NACC1: variants seen among roughly 807,000 people sequenced by gnomAD.
NACC1 encodes nucleus accumbens associated 1.
A neutral mutation model predicts 41.7 loss-of-function variants in NACC1; 6 were observed. The ratio of observed to expected loss-of-function variants is 0.14; its 90% CI spans 0.08 to 0.28. The LOEUF (loss-of-function observed/expected upper bound fraction) is 0.28. NACC1 is among the 10% of genes least tolerant of loss of function. NACC1 has a pLI of 1.00. For synonymous variants in NACC1, 338 were observed against 330.6 expected, an observed-to-expected ratio of 1.02 and a Z score of -0.24; for missense variants, 434 against 763.7, an observed-to-expected ratio of 0.57 and a Z score of 5.09.
In NACC1 at chr19:13,135,640, A is replaced by G; in HGVS notation, c.433A>G (p.Ser145Gly). Residue 145 changes from serine to glycine, a missense_variant, in exon 2 of 6, where the codon AGC becomes GGC. Coordinates refer to ENST00000292431, the MANE Select transcript of NACC1 (RefSeq NM_052876.4). ...GGAGGCCCCATCGTCGGAGCCCCAG[A>G]GCCCCGTGGCGCAGACATCGGGCTG... The part of the protein sequence containing the change: ...AEEAPSSEPQ[S>G]PVAQTSGWPA... The G allele has an allele frequency of 6.4e-7, 1 of 1,567,992 alleles. No homozygotes were observed. The highest frequency in any genetic ancestry group is 8.6e-7 in the Non-Finnish European group (1 of 1,160,510).
chr19:13,137,705 C>G lies in NACC1; in HGVS notation c.1324+130C>G, dbSNP rs185384544. On this transcript the variant is annotated intron_variant, in intron 5 of 5. Coordinates refer to ENST00000292431, the MANE Select transcript of NACC1 (RefSeq NM_052876.4). This position sits in a 1 kb window ranked among gnomAD's most constrained non-coding sequence, Gnocchi z 6.1. ...CATTCTGGGGCTCATTCTAGCCTTGCTGGGAAACCGGCTGTGATTGCTTAG... is the reference window on the plus strand; with the variant it reads ...CATTCTGGGGCTCATTCTAGCCTTGGTGGGAAACCGGCTGTGATTGCTTAG... 1.5e-3 allele frequency: 1,126 copies of G among 766,358 alleles called. 3 individuals are homozygous for G. The highest frequency in any genetic ancestry group is 9.6e-3 in the Middle Eastern group (25 of 2,592). 47.5% of individuals were successfully genotyped at this position (766,358 alleles called of 1,614,324 possible).
At chr19:13,131,354 G>A (rs1448155708) in intron 1 of NACC1, among the ~76,000 whole-genome samples, 5 of 152,168 alleles carry the variant, frequency 3.3e-5, no homozygotes, top group Non-Finnish European at 4.4e-5. Context: ...CACCCCTCTA[G>A]GAACTGGGAT....
chr19:13,128,941 C>A (rs1483300759), intron 1 of NACC1, among the ~76,000 whole-genome samples: 1 of 152,228 alleles, frequency 6.6e-6, no homozygotes. Context: ...TCCCCCACAC[C>A]CTCAGGGGTG....
In NACC1 at chr19:13,137,441, C is replaced by T; in HGVS notation, c.1227-37C>T. 1 of 1,611,192 alleles carries T rather than the reference C, an allele frequency of 6.2e-7. No individual in the cohort carries two copies. Among genetic ancestry groups the T allele is most frequent in the Non-Finnish European group, 8.5e-7 (1 of 1,178,588 alleles). The stretch of plus-strand genomic sequence containing the variant: ...TTCCCCATGTCCCCCCCACCACCAA[C>T]TTGAGCGCTGACTCCCTCCATGTCC... On this transcript the variant is annotated intron_variant, in intron 4 of 5. Transcript: ENST00000292431. The surrounding 1 kb of genome is among the most constrained non-coding windows in gnomAD (Gnocchi z 6.1).
chr19:13,136,141 G>C lies in NACC1; in HGVS notation c.934G>C (p.Val312Leu). ...NMYTMYSMMNVGQTAEKVEAL... is the reference protein window; with the variant it reads ...NMYTMYSMMNLGQTAEKVEAL... ...GTACACCATGTACAGCATGATGAAC[G>C]TCGGCCAGACAGGTGAGGTGCCGTC... The change falls in exon 2 of 6, where the codon GTC becomes CTC. Residue 312 changes from valine (V) to leucine (L), a missense_variant. Around this residue, in one of 4 missense-constraint regions of NACC1, gnomAD observed 234 missense variants for 308.3 expected, o/e 0.76. Transcript: ENST00000292431. This position sits in a 1 kb window ranked among gnomAD's most constrained non-coding sequence, Gnocchi z 5.5. 1 of 1,612,302 alleles carries C rather than the reference G, an allele frequency of 6.2e-7. No homozygotes were observed. Among genetic ancestry groups the C allele is most frequent in the Non-Finnish European group, 8.5e-7 (1 of 1,179,120 alleles).
At chr19:13,127,860 G>T (rs529926136) in intron 1 of NACC1, among the ~76,000 whole-genome samples, 8 of 151,962 alleles carry the variant, frequency 5.3e-5, no homozygotes, top group African/African-American at 1.9e-4. Flanking sequence ...AAGCAAAAGA[G>T]TAGAGAAAGG....
chr19:13,119,185 G>T (rs1027793809), intron 1 of NACC1, among the ~76,000 whole-genome samples: 1 of 151,832 alleles, frequency 6.6e-6, no homozygotes, highest in Non-Finnish European at 1.5e-5. Flanking sequence ...GGATGTGGGG[G>T]CAGGTCAGGA....
At chr19:13,127,400 T>TTTTTTTTTTTTTTTTTTTTTTTTTC (rs1245933408) in intron 1 of NACC1, among the ~76,000 whole-genome samples, 1 of 100,870 alleles carries the variant, frequency 9.9e-6, no homozygotes, top group African/African-American at 3.9e-5. Context: ...TTTTTTTTTT[T>TTTTTTTTTTTTTTTTTTTTTTTTTC]CGGTTAACTG....
At chr19:13,128,687 G>C (rs2019595188) in intron 1 of NACC1, among the ~76,000 whole-genome samples, 1 of 152,220 alleles carries the variant, frequency 6.6e-6, no homozygotes, top group African/African-American at 2.4e-5. Flanking sequence ...TGATCTGTGT[G>C]ACCAAGGATG....
upstream of NACC1, chr19:13,117,964 A>T (rs1302151188): frequency 6.6e-6 from 1 of 152,248 alleles, no homozygotes; most frequent in Non-Finnish European, 1.5e-5. Context: ...GCCACAATAA[A>T]CAGCAGTCAT....
At chr19:13,132,486 T>A (rs1029603231) in intron 1 of NACC1, 16 of 152,144 alleles carry the variant, frequency 1.1e-4, no homozygotes, top group African/African-American at 3.9e-4. Flanking sequence ...CTTTTGAATT[T>A]TGAACCTGGT....
chr19:13,138,463 G>A lies in NACC1; in HGVS notation c.*57G>A. 2 of 1,580,806 alleles carry A rather than the reference G, an allele frequency of 1.3e-6. No homozygotes were observed. Among genetic ancestry groups the A allele is most frequent in the South Asian group, 2.2e-5 (2 of 89,236 alleles). On this transcript the variant is annotated 3_prime_UTR_variant, in exon 6 of 6. Transcript: ENST00000292431. This position sits in a 1 kb window ranked among gnomAD's most constrained non-coding sequence, Gnocchi z 5.7. ...CCCCTCCCAACACACACACACACCTGCCATCTTGGTCATGAGCTACTGTCT... is the reference window on the plus strand; with the variant it reads ...CCCCTCCCAACACACACACACACCTACCATCTTGGTCATGAGCTACTGTCT...
At chr19:13,118,707 C>T (rs1381509341) in intron 1 of NACC1, among the ~76,000 whole-genome samples, 3 of 150,842 alleles carry the variant, frequency 2.0e-5, no homozygotes, top group Non-Finnish European at 4.4e-5. Context: ...AGGGAGGGGG[C>T]CAGGTCGGGC....
chr19:13,117,826 T>C (rs902214989), upstream of NACC1, among the ~76,000 whole-genome samples: 3 of 152,168 alleles, frequency 2.0e-5, no homozygotes, highest in Non-Finnish European at 4.4e-5. Context: ...AGTGCTGGGA[T>C]TACAGGCGTG....
At chr19:13,119,690 A>T (rs1399138180) in intron 1 of NACC1, among the ~76,000 whole-genome samples, 1 of 152,120 alleles carries the variant, frequency 6.6e-6, no homozygotes, top group African/African-American at 2.4e-5. Context: ...AACTCTGTTG[A>T]TGGTGGTTTG....
chr19:13,125,700 G>A (rs1008173149), intron 1 of NACC1, among the ~76,000 whole-genome samples: 5 of 151,972 alleles, frequency 3.3e-5, no homozygotes, highest in Non-Finnish European at 5.9e-5. Flanking sequence ...GATTACAGGC[G>A]TGAGCCACTG....
At position 13,141,102 on chromosome 19, in the gene NACC1, A is replaced by G. The variant is rs1202798452; in HGVS notation, c.*2696A>G. On this transcript the variant is annotated 3_prime_UTR_variant, in exon 6 of 6. Coordinates refer to ENST00000292431, the MANE Select transcript of NACC1 (RefSeq NM_052876.4). ...GCGTTGGCAAATGTGAACCATGAGA[A>G]TATCAGTGATACTGATGAGAATAAA... 6.6e-6 allele frequency: 1 copy of G among 152,610 alleles called. No individual in the cohort carries two copies. 9.5% of individuals were successfully genotyped at this position (152,610 alleles called of 1,614,324 possible). A position where few individuals can be genotyped will look rare whatever the true frequency, so the allele number is the denominator to read the frequency against.
Position 13,140,572 on chromosome 19 carries a change from C to T in NACC1, c.*2166C>T, listed in dbSNP as rs980542803. The T allele has an allele frequency of 2.1e-5, 3 of 146,340 alleles. No homozygotes were observed. The highest frequency in any genetic ancestry group is 4.5e-5 in the Non-Finnish European group (3 of 66,952). The allele number at this position is 146,340 out of a possible 1,614,324, so 9.1% of individuals were successfully genotyped here. On this transcript the variant is annotated 3_prime_UTR_variant, in exon 6 of 6. Transcript: ENST00000292431. This position sits in a 1 kb window ranked among gnomAD's most constrained non-coding sequence, Gnocchi z 4.0. ...CTTGGGTGGCAGAGCCCACTTGTTTCAGGGACCCCAGGAGGTGCCCCCTGG... is the reference window on the plus strand; with the variant it reads ...CTTGGGTGGCAGAGCCCACTTGTTTTAGGGACCCCAGGAGGTGCCCCCTGG...
At chr19:13,132,782 C>A (rs1310755401) in intron 1 of NACC1, among the ~76,000 whole-genome samples, 1 of 152,158 alleles carries the variant, frequency 6.6e-6, no homozygotes, top group African/African-American at 2.4e-5. Flanking sequence ...CGTGTAATTT[C>A]TTGAATGATC....
Sources: allele counts gnomAD v4.1 joint callset (sites outside exome capture counted in the v4.1 genomes callset), GRCh38; gene constraint gnomAD v4.1.1; regional missense constraint gnomAD v4.1.1; non-coding constraint Gnocchi (gnomAD v3.1); transcripts MANE v1.5; gene names NCBI Gene and HGNC (gene_info 2026-07-23, HGNC 2026-07-21).